The following PLS1 variants were observed in gnomAD, a reference collection of about 807,000 sequenced individuals.
The protein encoded by PLS1 is plastin-1.
PLS1 carries 32 observed loss-of-function variants against 73.7 expected under a neutral mutation model. The observed-to-expected ratio is 0.43, with a 90% CI of 0.33 to 0.58. PLS1 has a LOEUF of 0.58. PLS1 is among the 20% of genes least tolerant of loss of function. The probability of loss-of-function intolerance (pLI) is 0.04; values close to 1 mark genes in which losing one functional copy is unlikely to be tolerated. For missense variants in PLS1, 633 were observed against 740.5 expected (o/e 0.85, Z 1.68); for synonymous variants, 217 against 261.3 (o/e 0.83, Z 1.63).
intron 1 of PLS1, among the ~76,000 whole-genome samples, chr3:142,631,421 G>T (rs1465598529): frequency 6.6e-6 from 1 of 151,894 alleles, no homozygotes; most frequent in African/African-American, 2.4e-5. Flanking sequence ...GGGAGGTGGA[G>T]GTTGCAGTGA....
chr3:142,709,076 T>C (rs1221060039), intron 14 of PLS1, among the ~76,000 whole-genome samples: 2 of 152,212 alleles, frequency 1.3e-5, no homozygotes, highest in Non-Finnish European at 2.9e-5. Context: ...AATAATCATA[T>C]ACATATATGA....
chr3:142,608,074 G>T (rs1292031803), intron 1 of PLS1, among the ~76,000 whole-genome samples: 5 of 152,058 alleles, frequency 3.3e-5, no homozygotes, highest in African/African-American at 1.2e-4. Flanking sequence ...CAAACTCCTG[G>T]GCTCAGGCAG....
intron 1 of PLS1, among the ~76,000 whole-genome samples, chr3:142,654,055 G>A (rs1011620158): frequency 7.2e-5 from 11 of 152,166 alleles, no homozygotes; most frequent in African/African-American, 2.7e-4. Flanking sequence ...GTAAATAGTA[G>A]AAAAGTCTTG....
At chr3:142,629,753 G>A (rs1458766788) in intron 1 of PLS1, among the ~76,000 whole-genome samples, 1 of 152,172 alleles carries the variant, frequency 6.6e-6, no homozygotes, top group Non-Finnish European at 1.5e-5. Flanking sequence ...GGAATAATTA[G>A]CCCACAGACA....
At chr3:142,705,894 T>C (rs927885218) in intron 14 of PLS1, among the ~76,000 whole-genome samples, 2 of 152,196 alleles carry the variant, frequency 1.3e-5, no homozygotes, top group Non-Finnish European at 2.9e-5. Context: ...ACTAATGACA[T>C]TGAGTTTTTG....
chr3:142,650,944 C>A (rs1261394322), intron 1 of PLS1, among the ~76,000 whole-genome samples: 1 of 152,024 alleles, frequency 6.6e-6, no homozygotes, highest in African/African-American at 2.4e-5. Context: ...CTGGGAAAGT[C>A]TCTGTGGTTA....
chr3:142,605,196 A>G (rs1024778023), intron 1 of PLS1, among the ~76,000 whole-genome samples: 1 of 152,206 alleles, frequency 6.6e-6, no homozygotes, highest in Non-Finnish European at 1.5e-5. Context: ...CTAGTCAACT[A>G]CAAGATAGAG....
chr3:142,679,966 G>A (rs1415371920), intron 6 of PLS1, among the ~76,000 whole-genome samples: 4 of 151,946 alleles, frequency 2.6e-5, no homozygotes, highest in African/African-American at 4.8e-5. Flanking sequence ...GTGGTTTGTA[G>A]TTCTCCTTGA....
intron 9 of PLS1, among the ~76,000 whole-genome samples, chr3:142,687,240 G>T (rs953877299): frequency 1.0e-4 from 15 of 150,598 alleles, no homozygotes; most frequent in African/African-American, 2.7e-4. Context: ...AAAAAAAGGT[G>T]CAAAAAAATC....
intron 1 of PLS1, among the ~76,000 whole-genome samples, chr3:142,641,253 CTCTA>C (rs1192178621): frequency 8.5e-5 from 12 of 140,862 alleles, no homozygotes; most frequent in Non-Finnish European, 1.5e-4. Flanking sequence ...CTATATATCT[CTCTA>C]TATATTATAT....
chr3:142,626,042 A>G (rs1386146582), intron 1 of PLS1, among the ~76,000 whole-genome samples: 3 of 152,166 alleles, frequency 2.0e-5, no homozygotes, highest in Admixed American at 1.3e-4. Context: ...GTGTCTTGCT[A>G]TGTTGCCCAG....
intron 15 of PLS1, 35 bp from the exon 16 acceptor site, chr3:142,711,837 G>A (rs1323209465): frequency 1.2e-6 from 2 of 1,604,806 alleles, no homozygotes; most frequent in Non-Finnish European, 1.7e-6. Context: ...AAAACACAGT[G>A]GATAACACCA....
At chr3:142,664,948 G>A (rs540871924) in intron 2 of PLS1, among the ~76,000 whole-genome samples, 1 of 151,408 alleles carries the variant, frequency 6.6e-6, no homozygotes, top group South Asian at 2.1e-4. Context: ...GGAAACCCAT[G>A]GTAAACAGGA....
intron 1 of PLS1, among the ~76,000 whole-genome samples, chr3:142,626,096 A>C (rs1177380104): frequency 6.6e-6 from 1 of 152,208 alleles, no homozygotes; most frequent in Non-Finnish European, 1.5e-5. Context: ...ACTTAAGAGG[A>C]TAAGAAGGGG....
intron 1 of PLS1, among the ~76,000 whole-genome samples, chr3:142,597,708 C>G (rs1280772058): frequency 1.3e-5 from 2 of 152,198 alleles, no homozygotes; most frequent in African/African-American, 4.8e-5. Context: ...GCTGTGGCCA[C>G]CCAAGCCCCT....
intron 10 of PLS1, among the ~76,000 whole-genome samples, chr3:142,692,430 C>T (rs1490924333): frequency 6.6e-6 from 1 of 152,040 alleles, no homozygotes; most frequent in Non-Finnish European, 1.5e-5. Context: ...CAACATTTTC[C>T]AATCTGGAAC....
chr3:142,668,716 C>T (rs2037531261), intron 2 of PLS1, among the ~76,000 whole-genome samples: 1 of 151,914 alleles, frequency 6.6e-6, no homozygotes, highest in Admixed American at 6.6e-5. Flanking sequence ...ATTCTCTTAC[C>T]TCAGCCTCCT....
intron 1 of PLS1, among the ~76,000 whole-genome samples, chr3:142,600,055 ATTAAT>A (rs1245422036): frequency 2.0e-5 from 3 of 152,096 alleles, no homozygotes; most frequent in Non-Finnish European, 4.4e-5. Context: ...GCCTCCCAAG[ATTAAT>A]TTGAGTTGGT....
chr3:142,642,900 A>AG (rs1174138833), intron 1 of PLS1, among the ~76,000 whole-genome samples: 1 of 152,126 alleles, frequency 6.6e-6, no homozygotes, highest in Admixed American at 6.6e-5. Context: ...CAGGTTGCCC[A>AG]GGCTGGTCTT....
Sources: allele counts gnomAD v4.1 joint callset (sites outside exome capture counted in the v4.1 genomes callset), GRCh38; gene constraint gnomAD v4.1.1; transcripts MANE v1.5; gene names NCBI Gene and HGNC (gene_info 2026-07-23, HGNC 2026-07-21).